The following GRM3 variants were observed in gnomAD, a reference collection of about 807,000 sequenced individuals.
GRM3 encodes glutamate metabotropic receptor 3.
In GRM3, 26 loss-of-function variants were observed where a neutral mutation model predicts 70.5. The observed-to-expected ratio is 0.37, with a 90% confidence interval of 0.27 to 0.51. The LOEUF (loss-of-function observed/expected upper bound fraction) is 0.51, where lower values mean the gene tolerates loss of function less well. GRM3 is among the 20% of genes least tolerant of loss of function. The probability of loss-of-function intolerance (pLI) is 0.93; values close to 1 mark genes in which losing one functional copy is unlikely to be tolerated. For synonymous variants in GRM3, 443 were observed against 434.9 expected (o/e 1.02, Z -0.23); for missense variants, 859 against 1,123.8 (o/e 0.76, Z 3.37).
chr7:86,826,784 A>G (rs2237566), intron 3 of GRM3, among the ~76,000 whole-genome samples: 57,948 of 152,058 alleles, frequency 0.38, 11,936 homozygotes, highest in African/African-American at 0.54. Flanking sequence ...TTTGTTCTGA[A>G]GGTGTGTCTT....
intron 1 of GRM3, among the ~76,000 whole-genome samples, chr7:86,716,957 C>T (rs1283257907): frequency 6.6e-6 from 1 of 151,854 alleles, no homozygotes; most frequent in Non-Finnish European, 1.5e-5. Flanking sequence ...GTTGGACTAC[C>T]TGGGTTCAAA....
intron 1 of GRM3, among the ~76,000 whole-genome samples, chr7:86,706,017 A>G (rs967689719): frequency 1.3e-5 from 2 of 152,148 alleles, no homozygotes; most frequent in African/African-American, 4.8e-5. Context: ...GTCTAGGATG[A>G]TAAAACTTGT....
chr7:86,813,246 C>T (rs1397146022), intron 3 of GRM3, among the ~76,000 whole-genome samples: 2 of 151,752 alleles, frequency 1.3e-5, no homozygotes, highest in East Asian at 3.9e-4. Context: ...CAGTTCCTGT[C>T]TCTAAGGGCC....
At chr7:86,737,129 A>C (rs1287841462) in intron 1 of GRM3, among the ~76,000 whole-genome samples, 1 of 152,224 alleles carries the variant, frequency 6.6e-6, no homozygotes, top group Non-Finnish European at 1.5e-5. Flanking sequence ...GCATGAAAAC[A>C]GAAATAAGCA....
intron 1 of GRM3, among the ~76,000 whole-genome samples, chr7:86,757,912 A>G (rs935193169): frequency 2.6e-5 from 4 of 152,170 alleles, no homozygotes; most frequent in Admixed American, 2.6e-4. Flanking sequence ...TGTCATAGGA[A>G]TGGTCACCAG....
chr7:86,846,898 A>G (rs1241024211), intron 4 of GRM3, among the ~76,000 whole-genome samples: 1 of 152,126 alleles, frequency 6.6e-6, no homozygotes, highest in African/African-American at 2.4e-5. Context: ...CTGAGATTTT[A>G]CTATACTTAC....
At chr7:86,845,305 G>A (rs1392831240) in intron 4 of GRM3, among the ~76,000 whole-genome samples, 1 of 152,178 alleles carries the variant, frequency 6.6e-6, no homozygotes, top group African/African-American at 2.4e-5. Flanking sequence ...ATATACAACA[G>A]CATGGTGCTG....
intron 2 of GRM3, among the ~76,000 whole-genome samples, chr7:86,777,115 G>T (rs1026216803): frequency 1.3e-5 from 2 of 152,178 alleles, no homozygotes; most frequent in Admixed American, 6.6e-5. Context: ...ATAGCATCGT[G>T]ATGGTGAGAA....
intron 2 of GRM3, among the ~76,000 whole-genome samples, chr7:86,781,983 T>C (rs1018015159): frequency 6.6e-6 from 1 of 152,128 alleles, no homozygotes; most frequent in Non-Finnish European, 1.5e-5. Context: ...CTCTTCCTTA[T>C]ATAATGTTGA....
intron 1 of GRM3, among the ~76,000 whole-genome samples, chr7:86,748,659 A>G (rs1294379691): frequency 6.6e-6 from 1 of 152,038 alleles, no homozygotes; most frequent in Non-Finnish European, 1.5e-5. Flanking sequence ...TATTTTAAAA[A>G]CAAAAATTTA....
chr7:86,859,466 C>T (rs1446937176), intron 5 of GRM3, among the ~76,000 whole-genome samples: 2 of 152,108 alleles, frequency 1.3e-5, no homozygotes, highest in Non-Finnish European at 2.9e-5. Flanking sequence ...AAAACAGATT[C>T]AATGACAAAG....
intron 1 of GRM3, among the ~76,000 whole-genome samples, chr7:86,670,284 C>T (rs1562820099): frequency 6.6e-6 from 1 of 152,200 alleles, no homozygotes; most frequent in African/African-American, 2.4e-5. Context: ...GGGTAAAGAA[C>T]TCAAGATAAA....
At chr7:86,669,030 G>T (rs942046987) in intron 1 of GRM3, among the ~76,000 whole-genome samples, 1 of 152,128 alleles carries the variant, frequency 6.6e-6, no homozygotes, top group Non-Finnish European at 1.5e-5. Context: ...AAGATAGTAA[G>T]TATTTCTCCA....
At chr7:86,770,003 C>CA (rs1796698505) in intron 2 of GRM3, among the ~76,000 whole-genome samples, 1 of 152,112 alleles carries the variant, frequency 6.6e-6, no homozygotes, top group East Asian at 1.9e-4. Context: ...AGAAGAGAAT[C>CA]AAGTTGGTTG....
chr7:86,793,319 C>A (rs1427539150), intron 3 of GRM3, among the ~76,000 whole-genome samples: 9 of 152,134 alleles, frequency 5.9e-5, no homozygotes, highest in Admixed American at 5.2e-4. Context: ...TGGCCCCAAC[C>A]CAGCAAGGCT....
intron 3 of GRM3, among the ~76,000 whole-genome samples, chr7:86,837,350 GT>G (rs1562878636): frequency 6.6e-6 from 1 of 152,110 alleles, no homozygotes; most frequent in Non-Finnish European, 1.5e-5. Flanking sequence ...CCTGGACAGC[GT>G]TTCCCTGTAA....
intron 1 of GRM3, among the ~76,000 whole-genome samples, chr7:86,758,805 T>C (rs112399385): frequency 3.7e-4 from 57 of 152,310 alleles, no homozygotes; most frequent in African/African-American, 1.3e-3. Flanking sequence ...TTAGTTTTTT[T>C]GGTCAAGGTC....
intron 1 of GRM3, among the ~76,000 whole-genome samples, chr7:86,645,656 TACA>T (rs1349019309): frequency 6.6e-6 from 1 of 152,146 alleles, no homozygotes; most frequent in Non-Finnish European, 1.5e-5. Flanking sequence ...TTCTCTAAGG[TACA>T]ACACTTTTAG....
At chr7:86,721,344 A>C (rs1301757855) in intron 1 of GRM3, among the ~76,000 whole-genome samples, 8 of 152,042 alleles carry the variant, frequency 5.3e-5, no homozygotes, top group Admixed American at 5.2e-4. Context: ...AGTAAGAGAA[A>C]AAGCAAGAAA....
Sources: gnomAD v4.1 joint callset for allele counts (sites outside exome capture counted in the v4.1 genomes callset) on GRCh38, gnomAD v4.1.1 for gene constraint, MANE v1.5 for transcripts, NCBI Gene and HGNC (gene_info 2026-07-23, HGNC 2026-07-21) for gene names.